Variants in CSMD1 observed in about 807,000 individuals in gnomAD.
CSMD1 encodes the protein CUB and Sushi multiple domains 1.
CSMD1 carries 213 observed loss-of-function variants against 417.5 expected under a neutral mutation model. The observed-to-expected ratio is 0.51, with a 90% CI of 0.46 to 0.57. The LOEUF is 0.57. CSMD1 is among the 20% of genes least tolerant of loss of function. The pLI is 0.00. For missense variants in CSMD1, 6,923 were observed against 4,529.7 expected (o/e 1.53, Z -15.17); for synonymous variants, 2,862 against 1,736.8 (o/e 1.65, Z -16.11).
chr8:4,462,219 T>G (rs892204706), intron 2 of CSMD1, among the ~76,000 whole-genome samples: 5 of 151,970 alleles, frequency 3.3e-5, no homozygotes, highest in African/African-American at 9.7e-5. Context: ...AAGCTGAACA[T>G]GAAATTTAAA....
intron 39 of CSMD1, among the ~76,000 whole-genome samples, chr8:3,154,031 A>T (rs1391722648): frequency 1.3e-5 from 2 of 152,098 alleles, no homozygotes; most frequent in East Asian, 3.9e-4. Context: ...CAGTGGTGCA[A>T]TCTCAGCTCA....
intron 5 of CSMD1, among the ~76,000 whole-genome samples, chr8:3,884,331 T>G (rs775869013): frequency 5.3e-5 from 8 of 152,202 alleles, no homozygotes; most frequent in Non-Finnish European, 7.3e-5. Flanking sequence ...TATACAAACT[T>G]GCATAAAGTA....
chr8:4,120,735 C>G (rs1234545356), intron 3 of CSMD1, among the ~76,000 whole-genome samples: 1 of 152,202 alleles, frequency 6.6e-6, no homozygotes, highest in Admixed American at 6.5e-5. Flanking sequence ...CAGAGAATGT[C>G]AGGCTCAGAA....
chr8:4,240,584 C>G (rs190382752), intron 3 of CSMD1, among the ~76,000 whole-genome samples: 1 of 152,262 alleles, frequency 6.6e-6, no homozygotes, highest in East Asian at 1.9e-4. Context: ...TATCTTTTAG[C>G]TCAAAATGAA....
intron 1 of CSMD1, among the ~76,000 whole-genome samples, chr8:4,822,826 T>G (rs1318964845): frequency 6.6e-6 from 1 of 152,132 alleles, no homozygotes; most frequent in Non-Finnish European, 1.5e-5. Context: ...AAACCATATG[T>G]ATTTTGTCCC....
At chr8:3,518,339 A>G (rs1041303226) in intron 10 of CSMD1, among the ~76,000 whole-genome samples, 19 of 152,326 alleles carry the variant, frequency 1.2e-4, no homozygotes, top group African/African-American at 4.6e-4. Context: ...TTAAATGCAA[A>G]CCTGCGTACC....
At chr8:4,431,124 GAA>G (rs1203983770) in intron 2 of CSMD1, among the ~76,000 whole-genome samples, 1 of 152,024 alleles carries the variant, frequency 6.6e-6, no homozygotes, top group Non-Finnish European at 1.5e-5. Flanking sequence ...CATGACTGTA[GAA>G]AAAGAGGTGA....
intron 2 of CSMD1, among the ~76,000 whole-genome samples, chr8:4,558,883 A>G (rs1021657813): frequency 4.6e-5 from 7 of 151,778 alleles, no homozygotes; most frequent in African/African-American, 9.7e-5. Context: ...AAATAAATAA[A>G]TAAATCAAAT....
chr8:3,493,233 G>A (rs1436397985), intron 11 of CSMD1, among the ~76,000 whole-genome samples: 2 of 147,152 alleles, frequency 1.4e-5, no homozygotes, highest in Admixed American at 1.4e-4. Context: ...GGCGGAGGTT[G>A]CAGTGAGCCG....
At chr8:3,387,467 T>G (rs1206087935) in intron 18 of CSMD1, 27 bp downstream of exon 18, 1 of 1,565,594 alleles carries the variant, frequency 6.4e-7, no homozygotes, top group African/African-American at 1.4e-5. Context: ...ACCCTGCTGG[T>G]GCATTGCCTC....
intron 7 of CSMD1, among the ~76,000 whole-genome samples, chr8:3,683,055 G>T (rs137964181): frequency 0.14 from 20,731 of 151,958 alleles, 1,695 homozygotes; most frequent in South Asian, 0.21. Context: ...GTGGGGTGGG[G>T]GTAGAGGGAA....
intron 11 of CSMD1, among the ~76,000 whole-genome samples, chr8:3,475,055 G>T (rs978379706): frequency 1.3e-5 from 2 of 152,084 alleles, no homozygotes; most frequent in Admixed American, 1.3e-4. Flanking sequence ...CCAGAATGAT[G>T]GCATTTCTCC....
At chr8:4,318,912 G>A (rs1448879628) in intron 3 of CSMD1, among the ~76,000 whole-genome samples, 3 of 152,170 alleles carry the variant, frequency 2.0e-5, no homozygotes, top group Non-Finnish European at 4.4e-5. Context: ...ACTTTAGTCA[G>A]AAGTGGGTTT....
At chr8:3,029,617 T>C (rs544547174) in intron 50 of CSMD1, 104 bp from the exon 51 acceptor site, 37 of 935,492 alleles carry the variant, frequency 4.0e-5, no homozygotes, top group African/African-American at 2.2e-4. Context: ...CTGATCTTGT[T>C]TGGCAAAGTT....
intron 1 of CSMD1, among the ~76,000 whole-genome samples, chr8:4,940,366 G>C (rs1236500256): frequency 1.3e-5 from 2 of 152,176 alleles, no homozygotes; most frequent in Non-Finnish European, 2.9e-5. Context: ...TATGCAAATT[G>C]AGTGGAAATA....
chr8:3,754,130 T>G (rs1681161326), intron 5 of CSMD1, 88 bp from the exon 6 acceptor site: 3 of 757,662 alleles, frequency 4.0e-6, no homozygotes, highest in South Asian at 1.7e-5. Context: ...TCCGATTACT[T>G]AAATCCTTCA....
chr8:3,055,483 C>G (rs1812153307), intron 49 of CSMD1, among the ~76,000 whole-genome samples: 1 of 152,170 alleles, frequency 6.6e-6, no homozygotes, highest in Admixed American at 6.5e-5. Flanking sequence ...GGACTAAAAT[C>G]AGGCTCATGG....
At chr8:4,233,110 A>C (rs1029459394) in intron 3 of CSMD1, among the ~76,000 whole-genome samples, 1 of 152,230 alleles carries the variant, frequency 6.6e-6, no homozygotes, top group East Asian at 1.9e-4. Flanking sequence ...CAGTTGGAAA[A>C]TGCTATCACT....
intron 10 of CSMD1, among the ~76,000 whole-genome samples, chr8:3,569,677 A>G (rs1345495303): frequency 6.6e-6 from 1 of 152,228 alleles, no homozygotes; most frequent in Non-Finnish European, 1.5e-5. Flanking sequence ...ATACACTTTC[A>G]TCAACGTGCA....
Sources: gnomAD v4.1 joint callset for allele counts (sites outside exome capture counted in the v4.1 genomes callset) on GRCh38, gnomAD v4.1.1 for gene constraint, MANE v1.5 for transcripts, NCBI Gene and HGNC (gene_info 2026-07-23, HGNC 2026-07-21) for gene names.